The following MXD3 variants were observed in gnomAD, a reference collection of about 807,000 sequenced individuals.
MXD3 encodes MAX dimerization protein 3.
Under a neutral mutation model 27.5 loss-of-function variants are expected in MXD3, and 20 were observed. The ratio of observed to expected loss-of-function variants is 0.73; its 90% CI spans 0.51 to 1.06. The LOEUF (loss-of-function observed/expected upper bound fraction) is 1.06, where lower values mean the gene tolerates loss of function less well. MXD3 is among the 50% of genes least tolerant of loss of function. The pLI, the probability that MXD3 is intolerant of heterozygous loss-of-function variation, is 0.00. For missense variants in MXD3, 298 were observed against 291.3 expected (o/e 1.02, Z -0.17); for synonymous variants, 150 against 130.7 (o/e 1.15, Z -1.01).
rs200950187 is a variant in MXD3, at chr5:177,311,721, G to A, written c.70+40C>T. The A allele has an allele frequency of 2.5e-4, 404 of 1,597,534 alleles. 1 individual carries two copies. In the African/African-American group the frequency reaches 4.8e-3, roughly 19 times the overall value. ...AGGTCCAGTCCAGGCCCGTGTCAGC[G>A]AGGTCGCCGCCCGGAATTCAGCCAA... On this transcript the variant is annotated intron_variant, in intron 1 of 5. Coordinates refer to ENST00000439742, the MANE Select transcript of MXD3 (RefSeq NM_031300.4).
upstream of MXD3, chr5:177,312,454 C>A: frequency 1.0e-6 from 1 of 985,552 alleles, no homozygotes; most frequent in Non-Finnish European, 1.2e-6. Context: ...GGAAAAGAAG[C>A]AGGTTTCAAA....
upstream of MXD3, chr5:177,312,346 CT>C: frequency 2.0e-6 from 2 of 985,938 alleles, no homozygotes; most frequent in Non-Finnish European, 2.4e-6. Flanking sequence ...TCAAGGATCG[CT>C]GTTGTCATCC....
chr5:177,306,728 A>T (rs1760888296), downstream of MXD3: 1 of 1,154,440 alleles, frequency 8.7e-7, no homozygotes, highest in African/African-American at 1.6e-5. Flanking sequence ...CACCAAGCAC[A>T]TGATTCATGT....
At chr5:177,312,494 G>A, upstream of MXD3, 1 of 985,464 alleles carries the variant, frequency 1.0e-6, no homozygotes, top group East Asian at 1.1e-4. Context: ...GGGCGGGGTT[G>A]AGAGGGGAGC....
chr5:177,311,583 G>C (rs1761041014), intron 1 of MXD3, 99 bp from the exon 2 acceptor site: 8 of 1,195,356 alleles, frequency 6.7e-6, no homozygotes, highest in South Asian at 1.6e-5. Context: ...TTTGGCGCCA[G>C]GACCATTTCC....
At chr5:177,312,259 GCCGGGCC>G (rs201838914), upstream of MXD3, 532 of 986,962 alleles carry the variant, frequency 5.4e-4, 1 homozygote, top group African/African-American at 8.7e-3. Flanking sequence ...CCCTGAAAGC[GCCGGGCC>G]CAGCCGCTGC....
At chr5:177,306,608 C>T (rs764597274), downstream of MXD3, 1 of 1,591,360 alleles carries the variant, frequency 6.3e-7, no homozygotes, top group Admixed American at 1.8e-5. Flanking sequence ...GACAGCTAGG[C>T]TTAGCCTCTC....
chr5:177,309,392 G>A (rs1302965562), intron 4 of MXD3, among the ~76,000 whole-genome samples: 1 of 152,194 alleles, frequency 6.6e-6, no homozygotes, highest in African/African-American at 2.4e-5. Flanking sequence ...CAGAGAAGGA[G>A]CACTGCCCAG....
chr5:177,306,365 A>G (rs752620672), downstream of MXD3: 2 of 1,610,310 alleles, frequency 1.2e-6, no homozygotes, highest in East Asian at 4.5e-5. Context: ...TGGGGGAGGG[A>G]AATTAGGTTG....
rs1761037986 is a variant in MXD3 at position 177,311,498 on chromosome 5, T to A, written c.71-14A>T. On this transcript the variant is annotated splice_polypyrimidine_tract_variant and intron_variant, in intron 1 of 5. Transcript: ENST00000439742. ...CATGCTCGGCCTCTGCCAGAGAGAG[T>A]CCCCGCCCGCGTCAGGCTGGGGCTG... 33 of 1,422,282 alleles carry A rather than the reference T, an allele frequency of 2.3e-5. No homozygotes were observed. Among genetic ancestry groups the A allele is most frequent in the Non-Finnish European group, 3.0e-5 (33 of 1,086,160 alleles). The allele number at this position is 1,422,282 out of a possible 1,614,324, so 88.1% of individuals were successfully genotyped here. A position where few individuals can be genotyped will look rare whatever the true frequency, so the allele number is the denominator to read the frequency against.
chr5:177,305,702 C>A, downstream of MXD3: 1 of 623,864 alleles, frequency 1.6e-6, no homozygotes, highest in South Asian at 1.9e-5. Context: ...AGCAAAACGA[C>A]CTTATTTATG....
downstream of MXD3, chr5:177,307,079 T>A: frequency 6.8e-7 from 1 of 1,467,344 alleles, no homozygotes; most frequent in Non-Finnish European, 9.0e-7. Flanking sequence ...CAGCCTCAAG[T>A]TGTGAGAATT....
chr5:177,311,809 T>C lies in MXD3; in HGVS notation c.22A>G (p.Ile8Val), dbSNP rs754109835. ...TCGGCCGCCTGCAGCAGGACCTGGA[T>C]GTTGCTGGCCAAGGGTTCCATGTCG... Reference protein sequence around the residue: MEPLASNIQVLLQAAEFL... With the variant: MEPLASNVQVLLQAAEFL... The change falls in exon 1 of 6, where the codon ATC becomes GTC. Residue 8 changes from isoleucine (I) to valine (V), a missense_variant. By Grantham distance (29) the Ile-to-Val change is conservative. Transcript: ENST00000439742. The C allele has an allele frequency of 1.9e-6, 3 of 1,612,720 alleles. No individual in the cohort carries two copies. Among genetic ancestry groups the C allele is most frequent in the Admixed American group, 3.3e-5 (2 of 59,956 alleles).
chr5:177,310,237 CCT>C (rs992601750), intron 4 of MXD3, among the ~76,000 whole-genome samples, 187 bp downstream of exon 4: 1 of 152,232 alleles, frequency 6.6e-6, no homozygotes, highest in African/African-American at 2.4e-5. Flanking sequence ...CCTCAACAAC[CCT>C]CTGAGTTATT....
chr5:177,307,936 C>T lies in MXD3; in HGVS notation c.350G>A (p.Arg117Gln), dbSNP rs866204986. The change falls in exon 5 of 6, where the codon CGA becomes CAA. Residue 117 changes from arginine (R) to glutamine (Q), a missense_variant. Coordinates refer to ENST00000439742, the MANE Select transcript of MXD3 (RefSeq NM_031300.4). Reference sequence around the variant, plus strand: ...GCTGCGCAGCCTCTCCTTGAGCTGTCGGGCCCGCTGCTCCTGATCCTCCAG... The same window carrying T: ...GCTGCGCAGCCTCTCCTTGAGCTGTTGGGCCCGCTGCTCCTGATCCTCCAG... Reference protein sequence around the residue: ...QKLEDQEQRARQLKERLRSKQ... With the variant: ...QKLEDQEQRAQQLKERLRSKQ... 1.5e-5 allele frequency: 23 copies of T among 1,577,576 alleles called. No individual in the cohort carries two copies. The highest frequency in any genetic ancestry group is 4.6e-5 in the South Asian group (4 of 86,724).
upstream of MXD3, chr5:177,311,997 A>T: frequency 1.6e-6 from 2 of 1,287,448 alleles, no homozygotes; most frequent in Non-Finnish European, 2.0e-6. Flanking sequence ...GCCCCTCTGG[A>T]ACCCGCCACG....
chr5:177,312,332 C>T (rs1304831973), upstream of MXD3: 6 of 986,194 alleles, frequency 6.1e-6, no homozygotes, highest in Non-Finnish European at 7.2e-6. Context: ...TCGCACATGG[C>T]TTCTCAAGGA....
intron 1 of MXD3, 58 bp from the exon 2 acceptor site, chr5:177,311,542 GC>G: frequency 7.5e-7 from 1 of 1,325,704 alleles, no homozygotes; most frequent in Non-Finnish European, 1.0e-6. Context: ...CCCAGCGGCA[GC>G]CCCAGGCACA....
Position 177,307,239 on chromosome 5 carries a change from G to A in MXD3, c.*349C>T, listed in dbSNP as rs1237008404. On this transcript the variant is annotated 3_prime_UTR_variant, in exon 6 of 6. Coordinates refer to ENST00000439742, the MANE Select transcript of MXD3 (RefSeq NM_031300.4). ...GAAAGAGGCTTTTAATGAAAATACT[G>A]TACAGTTTATGTGAGGCAAAGGCAG... 6.4e-7 allele frequency: 1 copy of A among 1,551,714 alleles called. No homozygotes were observed. The highest frequency in any genetic ancestry group is 8.7e-7 in the Non-Finnish European group (1 of 1,146,964).
Sources: gnomAD v4.1 joint callset for allele counts (sites outside exome capture counted in the v4.1 genomes callset) on GRCh38, gnomAD v4.1.1 for gene constraint, MANE v1.5 for transcripts, NCBI Gene and HGNC (gene_info 2026-07-23, HGNC 2026-07-21) for gene names.